Variants in GPC3 observed in about 807,000 individuals in gnomAD.
GPC3 encodes glypican-3.
GPC3 carries 3 observed loss-of-function variants against 34.4 expected under a neutral mutation model. The ratio of observed to expected loss-of-function variants is 0.09; its 90% CI spans 0.04 to 0.23. GPC3 has a LOEUF of 0.23. Among genes scored for constraint, GPC3 ranks in the 10% least tolerant of loss-of-function variants. The probability of loss-of-function intolerance (pLI) is 1.00; values close to 1 mark genes in which losing one functional copy is unlikely to be tolerated. For missense variants in GPC3, 351 were observed against 445.6 expected (o/e 0.79, Z 1.91); for synonymous variants, 177 against 174.0 (o/e 1.02, Z -0.13).
chrX:133,717,838 T>C (rs1431778902), intron 3 of GPC3, among the ~76,000 whole-genome samples: 1 of 111,486 alleles, frequency 9.0e-6, no homozygotes, highest in Non-Finnish European at 1.9e-5. Context: ...TCATCAGAAG[T>C]ATACATGAAA....
chrX:133,635,333 G>A (rs1358745060), intron 6 of GPC3, among the ~76,000 whole-genome samples: 1 of 111,671 alleles, frequency 9.0e-6, no homozygotes, highest in East Asian at 2.9e-4. Context: ...TGTGAGGCCT[G>A]GAGGTCTCTG....
At chrX:133,641,015 C>CT (rs3216445) in intron 6 of GPC3, among the ~76,000 whole-genome samples, 2,174 of 102,454 alleles carry the variant, frequency 0.021, 33 homozygotes, top group African/African-American at 0.04. Context: ...TTTAGTTTAG[C>CT]TTTTTTTTTT....
At chrX:133,609,450 C>T (rs917612401) in intron 6 of GPC3, among the ~76,000 whole-genome samples, 4 of 112,063 alleles carry the variant, frequency 3.6e-5, no homozygotes, top group Admixed American at 2.8e-4. Context: ...CTGGTATTTT[C>T]GAATAGGAAA....
At chrX:133,771,484 A>C (rs892679080) in intron 2 of GPC3, among the ~76,000 whole-genome samples, 1 of 112,338 alleles carries the variant, frequency 8.9e-6, no homozygotes, top group African/African-American at 3.2e-5. Flanking sequence ...GCACAATTGC[A>C]CTGTGTCTCC....
chrX:133,765,697 T>C (rs2071838212), intron 2 of GPC3, among the ~76,000 whole-genome samples: 1 of 111,830 alleles, frequency 8.9e-6, no homozygotes, highest in African/African-American at 3.2e-5. Flanking sequence ...TATGCAACCA[T>C]TGTTGTTGAG....
intron 2 of GPC3, among the ~76,000 whole-genome samples, chrX:133,919,166 G>A (rs1051032754): frequency 9.1e-6 from 1 of 110,324 alleles, no homozygotes; most frequent in Non-Finnish European, 1.9e-5. Flanking sequence ...TCAGCTGTTC[G>A]TCCTGTTTAT....
At chrX:133,726,293 T>C (rs1353401843) in intron 3 of GPC3, among the ~76,000 whole-genome samples, 1 of 111,733 alleles carries the variant, frequency 8.9e-6, no homozygotes, top group African/African-American at 3.3e-5. Context: ...TGCAAAAGGC[T>C]GCTGGGTAGG....
At position 133,772,451 on chromosome X, in the gene GPC3, A is replaced by G. The variant is rs180832101; in HGVS notation, c.338-18275T>C. On this transcript the variant is annotated intron_variant, in intron 2 of 7. Coordinates refer to ENST00000370818, the MANE Select transcript of GPC3 (RefSeq NM_004484.4). ...AATACATTCACCATGATAGGTCCCA[A>G]CCTCCCTGGAATCACGTCTCTTTCA... 1.1e-4 allele frequency among the ~76,000 whole-genome samples: 12 copies of G among 111,174 alleles called. No homozygotes were observed. The East Asian group carries it at 3.1e-3, about 29-fold the overall frequency.
At chrX:133,660,044 C>T (rs2070702798) in intron 6 of GPC3, among the ~76,000 whole-genome samples, 1 of 111,832 alleles carries the variant, frequency 8.9e-6, no homozygotes, top group Non-Finnish European at 1.9e-5. Context: ...GTAGACACTG[C>T]CATTACCATG....
At chrX:133,850,189 G>GTTTTTTTTTTTTT (rs1282213093) in intron 2 of GPC3, among the ~76,000 whole-genome samples, 2 of 72,678 alleles carry the variant, frequency 2.8e-5, no homozygotes, top group Admixed American at 1.4e-4. Context: ...TGTTTTTTGG[G>GTTTTTTTTTTTTT]TTTTGTTTTT....
chrX:133,598,127 A>G (rs1203081648), intron 6 of GPC3, among the ~76,000 whole-genome samples: 1 of 112,158 alleles, frequency 8.9e-6, no homozygotes, highest in Non-Finnish European at 1.9e-5. Flanking sequence ...TATAAACATA[A>G]CAAGAATGAA....
chrX:133,968,301 G>A (rs1304219422), intron 1 of GPC3, among the ~76,000 whole-genome samples: 2 of 112,139 alleles, frequency 1.8e-5, no homozygotes, highest in Non-Finnish European at 3.8e-5. Context: ...CCAAGAGCAG[G>A]GAGAGGGGAG....
chrX:133,563,553 T>C (rs991299771), intron 7 of GPC3, among the ~76,000 whole-genome samples: 3 of 112,077 alleles, frequency 2.7e-5, no homozygotes, highest in African/African-American at 9.7e-5. Flanking sequence ...AATCTAAAGA[T>C]ATTAACTATT....
chrX:133,774,468 A>G (rs1321384316), intron 2 of GPC3, among the ~76,000 whole-genome samples: 1 of 111,405 alleles, frequency 9.0e-6, no homozygotes, highest in African/African-American at 3.3e-5. Flanking sequence ...TAAATAACAT[A>G]GGAAGACAAA....
intron 2 of GPC3, among the ~76,000 whole-genome samples, chrX:133,884,654 T>C (rs1363727484): frequency 8.9e-6 from 1 of 111,851 alleles, no homozygotes. Context: ...GTTGTAATTG[T>C]GTATCTGTAG....
chrX:133,889,835 T>C (rs2076078181), intron 2 of GPC3, among the ~76,000 whole-genome samples: 2 of 97,267 alleles, frequency 2.1e-5, no homozygotes, highest in Admixed American at 1.1e-4. Context: ...AGCCTTCTTT[T>C]TTTTTTTTTT....
intron 7 of GPC3, among the ~76,000 whole-genome samples, chrX:133,556,975 C>A (rs2086632449): frequency 9.1e-6 from 1 of 110,081 alleles, no homozygotes. Context: ...ATGCTATCAC[C>A]CTAATGCAAC....
chrX:133,978,434 T>C (rs2076525437), intron 1 of GPC3, among the ~76,000 whole-genome samples: 1 of 112,214 alleles, frequency 8.9e-6, no homozygotes, highest in African/African-American at 3.2e-5. Context: ...ATAATATATC[T>C]TCAATTTGTC....
At chrX:133,587,808 G>A (rs2069804912) in intron 7 of GPC3, among the ~76,000 whole-genome samples, 1 of 111,780 alleles carries the variant, frequency 8.9e-6, no homozygotes. Flanking sequence ...TATGAGGTGG[G>A]TAGGTCAGGA....
Sources: allele counts gnomAD v4.1 joint callset (sites outside exome capture counted in the v4.1 genomes callset), GRCh38; gene constraint gnomAD v4.1.1; transcripts MANE v1.5; gene names NCBI Gene and HGNC (gene_info 2026-07-23, HGNC 2026-07-21).